Variants in MACROD1 observed in about 807,000 individuals in gnomAD.
MACROD1 encodes ADP-ribose glycohydrolase MACROD1.
Under a neutral mutation model 41.4 loss-of-function variants are expected in MACROD1, and 31 were observed. That is an observed-to-expected ratio of 0.75 (90% CI 0.56 to 1.01). The LOEUF is 1.01. MACROD1 is among the 50% of genes least tolerant of loss of function. The pLI is 0.00. For missense variants in MACROD1, 473 were observed against 460.0 expected, an observed-to-expected ratio of 1.03 and a Z score of -0.26; for synonymous variants, 252 against 203.4, an observed-to-expected ratio of 1.24 and a Z score of -2.03.
At chr11:64,043,878 C>G (rs1026785107) in intron 3 of MACROD1, among the ~76,000 whole-genome samples, 3 of 150,190 alleles carry the variant, frequency 2.0e-5, no homozygotes, top group South Asian at 2.1e-4. Context: ...ATGGTGCAAT[C>G]TGGGCTCACA....
chr11:64,157,003 C>T (rs1195585132), intron 1 of MACROD1, among the ~76,000 whole-genome samples: 2 of 152,346 alleles, frequency 1.3e-5, no homozygotes, highest in East Asian at 1.9e-4. Context: ...GTCCTCTTAT[C>T]GGCAATCCTC....
rs1743228607 is a variant in MACROD1, at chr11:64,122,953, A to T, written c.517+28286T>A. ...CCTCCCCCTTGAAAATGGCAGCTCA[A>T]GTCCCAAAGCCAGCCCACTTCAGAA... On this transcript the variant is annotated intron_variant, in intron 3 of 10. Transcript: ENST00000255681. This position sits in a 1 kb window ranked among gnomAD's most constrained non-coding sequence, Gnocchi z 4.0. Among the ~76,000 whole-genome samples the T allele has an allele frequency of 6.6e-6, 1 of 152,256 alleles. No homozygotes were observed. Among genetic ancestry groups the T allele is most frequent in the Non-Finnish European group, 1.5e-5 (1 of 68,038 alleles).
intron 3 of MACROD1, among the ~76,000 whole-genome samples, chr11:64,017,912 T>G (rs1309914643): frequency 6.6e-6 from 1 of 152,214 alleles, no homozygotes; most frequent in Non-Finnish European, 1.5e-5. Flanking sequence ...GTTGCTGACC[T>G]GCTGTTCTGC....
intron 4 of MACROD1, among the ~76,000 whole-genome samples, chr11:64,006,889 C>G (rs1942921779): frequency 6.6e-6 from 1 of 152,166 alleles, no homozygotes; most frequent in Non-Finnish European, 1.5e-5. Context: ...GGGAGAGGTT[C>G]AAAGGGTGCT....
chr11:64,080,911 T>C (rs1043671543), intron 3 of MACROD1, among the ~76,000 whole-genome samples: 1 of 152,194 alleles, frequency 6.6e-6, no homozygotes, highest in Non-Finnish European at 1.5e-5. Flanking sequence ...AGGCAGACCT[T>C]GAGAGAATCC....
At chr11:64,050,617 ACCCAGCAGTGACCATGG>A (rs1315628375) in intron 3 of MACROD1, among the ~76,000 whole-genome samples, 6 of 152,158 alleles carry the variant, frequency 3.9e-5, no homozygotes, top group Non-Finnish European at 8.8e-5. Flanking sequence ...GGTGACCATG[ACCCAGCAGTGACCATGG>A]CCCAGCTGAC....
chr11:64,123,353 A>G (rs943089012), intron 3 of MACROD1, among the ~76,000 whole-genome samples: 2 of 151,886 alleles, frequency 1.3e-5, no homozygotes, highest in Non-Finnish European at 2.9e-5. Context: ...TTTTTTTCTT[A>G]AGGAGGGATA....
At chr11:64,045,636 C>G (rs1046468702) in intron 3 of MACROD1, among the ~76,000 whole-genome samples, 9 of 152,162 alleles carry the variant, frequency 5.9e-5, no homozygotes, top group Admixed American at 5.9e-4. Flanking sequence ...CCTGAGGGTA[C>G]AGATTGGAGA....
chr11:64,106,676 T>C (rs1944768284), intron 3 of MACROD1, among the ~76,000 whole-genome samples: 1 of 152,054 alleles, frequency 6.6e-6, no homozygotes, highest in African/African-American at 2.4e-5. Context: ...GTCACACTGC[T>C]CCTCTCCAGG....
intron 3 of MACROD1, chr11:64,060,391 G>C (rs907829348): frequency 6.6e-6 from 1 of 152,262 alleles, no homozygotes; most frequent in Admixed American, 6.5e-5. Context: ...AGAAGGCCTC[G>C]GATTGGTTGT....
intron 3 of MACROD1, among the ~76,000 whole-genome samples, chr11:64,095,985 A>AG (rs11404876): frequency 0.19 from 1,171 of 6,054 alleles, 5 homozygotes; most frequent in Admixed American, 0.44. Context: ...CCCACCCCCC[A>AG]GGGGCCCATG....
chr11:64,009,773 C>G (rs1942971511), intron 4 of MACROD1, among the ~76,000 whole-genome samples: 1 of 152,224 alleles, frequency 6.6e-6, no homozygotes, highest in Admixed American at 6.5e-5. Flanking sequence ...GCCCGGGAGA[C>G]TCCCTTCTCT....
rs539033658 is a variant in MACROD1, at chr11:64,111,433, T to C, written c.517+39806A>G. Among the ~76,000 whole-genome samples, 3 of 152,348 alleles carry C rather than the reference T, an allele frequency of 2.0e-5. No individual in the cohort carries two copies. In the East Asian group the frequency reaches 5.8e-4, roughly 29 times the overall value. On this transcript the variant is annotated intron_variant, in intron 3 of 10. Transcript: ENST00000255681. ...TGTCTTCCTGTCTCTAGCATTGCCC[T>C]GTGCTACCTACCTGCTCATAAGTGG...
At chr11:64,046,135 A>G (rs938009777) in intron 3 of MACROD1, among the ~76,000 whole-genome samples, 1 of 152,136 alleles carries the variant, frequency 6.6e-6, no homozygotes, top group Non-Finnish European at 1.5e-5. Context: ...CAGGGGTAGG[A>G]TGGGAACCCG....
chr11:64,124,798 A>G (rs1945153511), intron 3 of MACROD1, among the ~76,000 whole-genome samples: 1 of 152,004 alleles, frequency 6.6e-6, no homozygotes, highest in Admixed American at 6.6e-5. Context: ...CTCCTGCCTC[A>G]GCCTCCTGAG....
At chr11:64,116,146 G>A (rs1479742288) in intron 3 of MACROD1, 1 of 1,412,458 alleles carries the variant, frequency 7.1e-7, no homozygotes, top group Non-Finnish European at 9.4e-7. Context: ...CAGGTGGGAG[G>A]GAATGCACGA....
intron 3 of MACROD1, among the ~76,000 whole-genome samples, chr11:64,034,219 C>T (rs1168908361): frequency 6.6e-6 from 1 of 152,214 alleles, no homozygotes; most frequent in African/African-American, 2.4e-5. Context: ...GCCACACGTC[C>T]ATCTGGGGGT....
At chr11:64,148,711 A>T in intron 3 of MACROD1, 1 of 985,518 alleles carries the variant, frequency 1.0e-6, no homozygotes, top group Non-Finnish European at 1.2e-6. Flanking sequence ...TTCACGAGGC[A>T]CAGACGCAGA....
At chr11:64,062,595 C>T (rs1943924950) in intron 3 of MACROD1, among the ~76,000 whole-genome samples, 1 of 152,022 alleles carries the variant, frequency 6.6e-6, no homozygotes, top group African/African-American at 2.4e-5. Context: ...CATGTACAGG[C>T]ACTGTCCTGG....
Sources: gnomAD v4.1 joint callset for allele counts (sites outside exome capture counted in the v4.1 genomes callset) on GRCh38, gnomAD v4.1.1 for gene constraint, Gnocchi (gnomAD v3.1) non-coding constraint, MANE v1.5 for transcripts, NCBI Gene and HGNC (gene_info 2026-07-23, HGNC 2026-07-21) for gene names.